COG5: variants seen among roughly 807,000 people sequenced by gnomAD.
COG5 encodes component of oligomeric golgi complex 5.
Under a neutral mutation model 110.4 loss-of-function variants are expected in COG5, and 86 were observed. That is an observed-to-expected ratio of 0.78 (90% CI 0.65 to 0.93). The LOEUF (loss-of-function observed/expected upper bound fraction) is 0.93, where lower values mean the gene tolerates loss of function less well. COG5 is among the 40% of genes least tolerant of loss of function. COG5 has a pLI of 0.00. For missense variants in COG5, 1,077 were observed against 987.0 expected, an observed-to-expected ratio of 1.09 and a Z score of -1.22; for synonymous variants, 360 against 334.6, an observed-to-expected ratio of 1.08 and a Z score of -0.83.
chr7:107,563,517 C>T, intron 1 of COG5: 1 of 477,298 alleles, frequency 2.1e-6, no homozygotes, highest in Non-Finnish European at 3.8e-6. Flanking sequence ...GGTTTGGGCT[C>T]CCGAAACTTC....
At chr7:107,373,476 G>C (rs1814364444) in intron 7 of COG5, among the ~76,000 whole-genome samples, 1 of 152,084 alleles carries the variant, frequency 6.6e-6, no homozygotes. Context: ...TTTAAACAAA[G>C]ACTTGAATAT....
intron 6 of COG5, among the ~76,000 whole-genome samples, chr7:107,413,426 C>T (rs1167303709): frequency 6.6e-6 from 1 of 151,350 alleles, no homozygotes; most frequent in Non-Finnish European, 1.5e-5. Flanking sequence ...ATTTGCAGTA[C>T]AAAGGGCTCT....
At chr7:107,449,291 G>A (rs116264991) in intron 6 of COG5, among the ~76,000 whole-genome samples, 2,290 of 152,190 alleles carry the variant, frequency 0.015, 63 homozygotes, top group African/African-American at 0.05. Context: ...ATGTATACGT[G>A]CACGTTCTCC....
intron 10 of COG5, among the ~76,000 whole-genome samples, chr7:107,339,001 A>C (rs1043915129): frequency 1.3e-5 from 2 of 152,110 alleles, no homozygotes; most frequent in Admixed American, 1.3e-4. Context: ...ACAACTTCAT[A>C]ATAAGCTCAA....
At chr7:107,562,610 G>T (rs937009233) in intron 1 of COG5, among the ~76,000 whole-genome samples, 2 of 152,126 alleles carry the variant, frequency 1.3e-5, no homozygotes, top group East Asian at 3.9e-4. Context: ...ATATATCAGG[G>T]TCTCTGCCTT....
At chr7:107,469,216 CATATTTAAGAAACA>C (rs1242847836) in intron 6 of COG5, among the ~76,000 whole-genome samples, 33 of 151,672 alleles carry the variant, frequency 2.2e-4, no homozygotes, top group African/African-American at 8.0e-4. Flanking sequence ...AGCTACATAT[CATATTTAAGAAACA>C]GCAATCTACT....
At chr7:107,223,548 G>C (rs949210752) in intron 19 of COG5, among the ~76,000 whole-genome samples, 3 of 152,162 alleles carry the variant, frequency 2.0e-5, no homozygotes, top group Admixed American at 6.5e-5. Context: ...TGTACTGTCT[G>C]GGAGCCTGAA....
At chr7:107,209,117 A>AG in intron 21 of COG5, 1 of 985,524 alleles carries the variant, frequency 1.0e-6, no homozygotes, top group Non-Finnish European at 1.2e-6. Context: ...CTCTGGCTTT[A>AG]GGGAACTCAA....
At position 107,428,842 on chromosome 7, in the gene COG5, C is replaced by T. The variant is rs142460072; in HGVS notation, c.539-16210G>A. Among the ~76,000 whole-genome samples the T allele has an allele frequency of 6.1e-3, 934 of 152,246 alleles. 5 individuals are homozygous for T. Among genetic ancestry groups the T allele is most frequent in the Non-Finnish European group, 7.8e-3 (532 of 67,994 alleles). ...TAATCTTCTACACAACACTCACTGG[C>T]GTATTACTAGCAAGTTCTCATATTT... is the stretch of plus-strand genomic sequence containing the variant. On this transcript the variant is annotated intron_variant, in intron 6 of 21. Transcript: ENST00000297135.
At chr7:107,535,991 GC>G (rs1002531008) in intron 5 of COG5, among the ~76,000 whole-genome samples, 31 of 152,232 alleles carry the variant, frequency 2.0e-4, no homozygotes, top group Admixed American at 1.4e-3. Context: ...GGGATGCAAG[GC>G]TGGTTCAACA....
intron 6 of COG5, among the ~76,000 whole-genome samples, chr7:107,507,297 C>CTTT (rs10713224): frequency 7.6e-6 from 1 of 131,608 alleles, no homozygotes; most frequent in African/African-American, 2.7e-5. Context: ...CTTTTCTTTT[C>CTTT]TTTTTTTTTT....
At chr7:107,318,754 A>G (rs1051860837) in intron 11 of COG5, among the ~76,000 whole-genome samples, 6 of 152,184 alleles carry the variant, frequency 3.9e-5, no homozygotes, top group South Asian at 2.1e-4. Flanking sequence ...CTATAAGATC[A>G]GGGCCCACCC....
At chr7:107,302,318 T>C (rs955261360) in intron 11 of COG5, among the ~76,000 whole-genome samples, 7 of 152,138 alleles carry the variant, frequency 4.6e-5, no homozygotes, top group Non-Finnish European at 1.0e-4. Flanking sequence ...TTCTGGGAGC[T>C]ACAAACTACC....
intron 3 of COG5, among the ~76,000 whole-genome samples, chr7:107,552,736 C>T (rs763619836): frequency 6.6e-6 from 1 of 152,148 alleles, no homozygotes; most frequent in Non-Finnish European, 1.5e-5. Context: ...CTCAGAACTA[C>T]CATTTGACCC....
At chr7:107,467,249 C>T (rs1796348797) in intron 6 of COG5, among the ~76,000 whole-genome samples, 1 of 152,022 alleles carries the variant, frequency 6.6e-6, no homozygotes, top group Admixed American at 6.6e-5. Context: ...AAACTGCTCT[C>T]CTAGGTTAGT....
intron 18 of COG5, 146 bp downstream of exon 18, chr7:107,236,301 CTTT>C: frequency 3.5e-6 from 2 of 571,762 alleles, no homozygotes; most frequent in Non-Finnish European, 6.2e-6. Context: ...TAAACTCTCC[CTTT>C]TTTTTTTTAA....
chr7:107,495,166 G>A (rs144752412), intron 6 of COG5, among the ~76,000 whole-genome samples: 2 of 152,224 alleles, frequency 1.3e-5, no homozygotes, highest in Non-Finnish European at 2.9e-5. Flanking sequence ...ACTAACTTGC[G>A]GTGTCAGAGG....
chr7:107,211,377 C>A, intron 19 of COG5, 152 bp from the exon 20 acceptor site: 1 of 833,576 alleles, frequency 1.2e-6, no homozygotes, highest in Non-Finnish European at 1.9e-6. Flanking sequence ...AGCCTTGAGA[C>A]GCCCACAAGC....
intron 12 of COG5, among the ~76,000 whole-genome samples, chr7:107,287,598 C>T (rs1243714932): frequency 6.6e-6 from 1 of 152,150 alleles, no homozygotes; most frequent in Non-Finnish European, 1.5e-5. Context: ...CATTTTATCA[C>T]CTCAAAAAGA....
Sources: allele counts gnomAD v4.1 joint callset (sites outside exome capture counted in the v4.1 genomes callset), GRCh38; gene constraint gnomAD v4.1.1; transcripts MANE v1.5; gene names NCBI Gene and HGNC (gene_info 2026-07-23, HGNC 2026-07-21).